Variants in TRIM16 observed in about 807,000 individuals in gnomAD.
The protein encoded by TRIM16 is tripartite motif containing 16, also known as tripartite motif-containing protein 16.
A neutral mutation model predicts 50.4 loss-of-function variants in TRIM16; 33 were observed. The observed-to-expected ratio is 0.65, with a 90% CI of 0.50 to 0.88. The LOEUF is 0.88. Ranked by LOEUF, TRIM16 falls within the 40% of genes least tolerant of loss-of-function variation. The probability of loss-of-function intolerance (pLI) is 0.00; values close to 1 mark genes in which losing one functional copy is unlikely to be tolerated. For synonymous variants in TRIM16, 229 were observed against 270.7 expected (o/e 0.85, Z 1.51); for missense variants, 581 against 686.8 (o/e 0.85, Z 1.72).
intron 7 of TRIM16, among the ~76,000 whole-genome samples, chr17:15,649,582 G>A (rs1987585305): frequency 6.6e-6 from 1 of 152,102 alleles, no homozygotes; most frequent in African/African-American, 2.4e-5. Context: ...CACCGTGCCC[G>A]GCTGGTGGAG....
intron 7 of TRIM16, among the ~76,000 whole-genome samples, chr17:15,648,296 T>C (rs1003862871): frequency 6.7e-6 from 1 of 149,750 alleles, no homozygotes; most frequent in Non-Finnish European, 1.5e-5. Flanking sequence ...GAGATGCTGG[T>C]CTGGGGTAAA....
rs537575279 is a variant in TRIM16 at position 15,673,250 on chromosome 17, C to T, written c.-338+3926G>A. ...ACCCCTTTTCAATTTCTTAAAGTTACGAAGGATTTTGGGCATTTCAAAAAT... is the reference window on the plus strand; with the variant it reads ...ACCCCTTTTCAATTTCTTAAAGTTATGAAGGATTTTGGGCATTTCAAAAAT... On this transcript the variant is annotated intron_variant, in intron 6 of 11. Coordinates refer to ENST00000649191, the MANE Select transcript of TRIM16 (RefSeq NM_001348119.1). 1.1e-4 allele frequency among the ~76,000 whole-genome samples: 16 copies of T among 152,290 alleles called. No homozygotes were observed. In the East Asian group the frequency reaches 1.9e-3, roughly 18 times the overall value.
chr17:15,678,404 A>G (rs1199405252), intron 4 of TRIM16, among the ~76,000 whole-genome samples: 5 of 152,094 alleles, frequency 3.3e-5, no homozygotes, highest in Admixed American at 2.0e-4. Flanking sequence ...GTATACAAAC[A>G]TTTCCCAACC....
chr17:15,662,633 A>G (rs1988292485), intron 6 of TRIM16, among the ~76,000 whole-genome samples: 1 of 152,160 alleles, frequency 6.6e-6, no homozygotes, highest in South Asian at 2.1e-4. Context: ...AGAGCAGATC[A>G]GCCTTTGAAA....
intron 6 of TRIM16, among the ~76,000 whole-genome samples, chr17:15,674,825 G>C (rs966085765): frequency 2.0e-5 from 3 of 152,142 alleles, no homozygotes; most frequent in African/African-American, 7.2e-5. Context: ...TCATCTCCCG[G>C]GGGGTGATCA....
chr17:15,652,003 T>C (rs1396893784), intron 6 of TRIM16, 57 bp from the exon 7 acceptor site: 29 of 1,075,746 alleles, frequency 2.7e-5, no homozygotes, highest in Non-Finnish European at 3.3e-5. Context: ...CTTTGTGTGG[T>C]CTGACAAGCG....
At position 15,641,197 on chromosome 17, in the gene TRIM16, G is replaced by A. The variant is rs143720290; in HGVS notation, c.615+1524C>T. Among the ~76,000 whole-genome samples, 119 of 148,208 alleles carry A rather than the reference G, an allele frequency of 8.0e-4. 5 individuals are homozygous for A. The highest frequency in any genetic ancestry group is 2.6e-3 in the African/African-American group (105 of 39,998). ...AAACACTTCTTTCTTGCATGTAAAT[G>A]TAATGTGCAAAGGGCATTACTTACC... is the stretch of plus-strand genomic sequence containing the variant. On this transcript the variant is annotated intron_variant, in intron 8 of 11. Transcript: ENST00000649191.
intron 11 of TRIM16, among the ~76,000 whole-genome samples, chr17:15,629,671 G>A (rs1259921851): frequency 3.3e-5 from 5 of 152,154 alleles, no homozygotes; most frequent in Non-Finnish European, 7.3e-5. Context: ...TCTCAAACAC[G>A]CCCTCATATT....
intron 6 of TRIM16, among the ~76,000 whole-genome samples, chr17:15,654,072 A>G (rs1987856430): frequency 6.6e-6 from 1 of 151,830 alleles, no homozygotes; most frequent in Non-Finnish European, 1.5e-5. Context: ...AAGATATTAC[A>G]CTCCCTATGG....
intron 6 of TRIM16, among the ~76,000 whole-genome samples, chr17:15,662,143 C>G (rs903725354): frequency 4.6e-5 from 7 of 152,190 alleles, no homozygotes; most frequent in Non-Finnish European, 1.0e-4. Flanking sequence ...ATAAAGAAGT[C>G]TTTGCAAATT....
intron 4 of TRIM16, among the ~76,000 whole-genome samples, chr17:15,678,819 C>G (rs1051564817): frequency 1.3e-5 from 2 of 151,262 alleles, no homozygotes; most frequent in Non-Finnish European, 2.9e-5. Flanking sequence ...ATTGGATTGA[C>G]AGTCAGGTGG....
At chr17:15,663,982 A>G (rs1988363177) in intron 6 of TRIM16, among the ~76,000 whole-genome samples, 2 of 152,316 alleles carry the variant, frequency 1.3e-5, no homozygotes, top group Admixed American at 1.3e-4. Context: ...ATACAGACAG[A>G]CCACAGCAAA....
chr17:15,631,804 CTT>C, intron 10 of TRIM16, 90 bp from the exon 11 acceptor site: 3 of 1,212,724 alleles, frequency 2.5e-6, no homozygotes, highest in African/African-American at 1.5e-5. Context: ...CTTCCCTGGG[CTT>C]CCTGGGGAAA....
At chr17:15,673,568 A>G (rs892356867) in intron 6 of TRIM16, among the ~76,000 whole-genome samples, 4 of 152,162 alleles carry the variant, frequency 2.6e-5, no homozygotes, top group Admixed American at 2.0e-4. Flanking sequence ...ATCCTATACA[A>G]TTGGATTACT....
intron 6 of TRIM16, among the ~76,000 whole-genome samples, chr17:15,653,823 C>T (rs1157513956): frequency 6.6e-6 from 1 of 152,100 alleles, no homozygotes; most frequent in Non-Finnish European, 1.5e-5. Context: ...GAGGCATGAC[C>T]CCTGGACGGG....
intron 6 of TRIM16, among the ~76,000 whole-genome samples, chr17:15,676,650 T>A (rs1988962163): frequency 6.6e-6 from 1 of 151,654 alleles, no homozygotes; most frequent in African/African-American, 2.4e-5. Flanking sequence ...TTAGCCAGGA[T>A]GGTCTCCATC....
rs552003732 is a variant in TRIM16, at chr17:15,660,755, G to A, written c.-337-8809C>T. Among the ~76,000 whole-genome samples the A allele has an allele frequency of 1.4e-4, 22 of 152,014 alleles. No homozygotes were observed. The South Asian group carries it at 1.7e-3, about 11-fold the overall frequency. On this transcript the variant is annotated intron_variant, in intron 6 of 11. Coordinates refer to ENST00000649191, the MANE Select transcript of TRIM16 (RefSeq NM_001348119.1). ...CTACTAAAAATACAAAAAATTAGCC[G>A]GGCGTGGTGGCAGGCGCCTGTAGTC...
At chr17:15,678,150 C>T (rs996479345) in intron 4 of TRIM16, among the ~76,000 whole-genome samples, 7 of 150,846 alleles carry the variant, frequency 4.6e-5, no homozygotes, top group African/African-American at 9.8e-5. Context: ...ACCCGGGAGG[C>T]GAAGCTTGCA....
rs1236309469 is a variant in TRIM16 at position 15,651,870 on chromosome 17, C to T, written c.-261G>A. 16 of 1,407,134 alleles carry T rather than the reference C, an allele frequency of 1.1e-5. No homozygotes were observed. The East Asian group carries it at 4.0e-4, about 35-fold the overall frequency. 87.2% of individuals were successfully genotyped at this position (1,407,134 alleles called of 1,614,324 possible). A position where few individuals can be genotyped will look rare whatever the true frequency, so the allele number is the denominator to read the frequency against. On this transcript the variant is annotated 5_prime_UTR_variant, in exon 7 of 12. Coordinates refer to ENST00000649191, the MANE Select transcript of TRIM16 (RefSeq NM_001348119.1). The stretch of plus-strand genomic sequence containing the variant: ...GCTCAGGCTGCCTCCCCAGGTCCAG[C>T]CCTGAAACTTCTATTCTTATGTGAA...
Sources: gnomAD v4.1 joint callset for allele counts (sites outside exome capture counted in the v4.1 genomes callset) on GRCh38, gnomAD v4.1.1 for gene constraint, MANE v1.5 for transcripts, NCBI Gene and HGNC (gene_info 2026-07-23, HGNC 2026-07-21) for gene names.